Variants in TMEM230 observed in about 807,000 individuals in gnomAD.
The protein encoded by TMEM230 is transmembrane protein 230.
In TMEM230, 10 loss-of-function variants were observed where a neutral mutation model predicts 15.8. That is an observed-to-expected ratio of 0.63 (90% confidence interval 0.39 to 1.07). The LOEUF (loss-of-function observed/expected upper bound fraction) is 1.07. Ranked by LOEUF, TMEM230 falls within the 50% of genes least tolerant of loss-of-function variation. The probability of loss-of-function intolerance (pLI) is 0.01; values close to 1 mark genes in which losing one functional copy is unlikely to be tolerated. For missense variants in TMEM230, 165 were observed against 193.3 expected (o/e 0.85, Z 0.87); for synonymous variants, 67 against 76.9 (o/e 0.87, Z 0.68).
At chr20:5,086,366 C>A (rs1345478836) in intron 3 of TMEM230, among the ~76,000 whole-genome samples, 1 of 151,392 alleles carries the variant, frequency 6.6e-6, no homozygotes, top group Non-Finnish European at 1.5e-5. Context: ...GGTGAAGCCC[C>A]ATCTCTACTA....
chr20:5,107,884 GGTGAA>G (rs1166271355), intron 3 of TMEM230, among the ~76,000 whole-genome samples: 4 of 151,966 alleles, frequency 2.6e-5, no homozygotes, highest in Non-Finnish European at 4.4e-5. Context: ...GGCCGAAGTG[GGTGAA>G]TCACTGGAGG....
intron 1 of TMEM230, among the ~76,000 whole-genome samples, chr20:5,112,432 T>C (rs1488181388): frequency 6.6e-6 from 1 of 152,314 alleles, no homozygotes; most frequent in Non-Finnish European, 1.5e-5. Flanking sequence ...AACTTGCAAT[T>C]AGACTTTTTT....
chr20:5,062,613 A>T, the TMEM230 span, among the ~76,000 whole-genome samples: 1 of 151,866 alleles, frequency 6.6e-6, no homozygotes, highest in African/African-American at 2.4e-5. Context: ...AATACAAAAA[A>T]TTAGCTGTGT....
Position 5,078,517 on chromosome 20 carries a change from C to T in TMEM230, c.223-9168G>A, listed in dbSNP as rs551007151. 3.9e-5 allele frequency among the ~76,000 whole-genome samples: 6 copies of T among 152,228 alleles called. No individual in the cohort carries two copies. The East Asian group carries it at 9.6e-4, about 24-fold the overall frequency. On this transcript the variant is annotated intron_variant, in intron 3 of 3. Transcript: ENST00000612323. Reference sequence around the variant, plus strand: ...TGGGATATGCTGCATGACAGAAACCCCCAAATCTAGTGGCTTAACACAACA... The same window carrying T: ...TGGGATATGCTGCATGACAGAAACCTCCAAATCTAGTGGCTTAACACAACA...
chr20:5,070,925 T>G (rs1479835540), intron 3 of TMEM230, among the ~76,000 whole-genome samples: 1 of 152,192 alleles, frequency 6.6e-6, no homozygotes, highest in African/African-American at 2.4e-5. Flanking sequence ...TTAACTTTTT[T>G]TTTGGTTGCT....
downstream of TMEM230, among the ~76,000 whole-genome samples, chr20:5,097,563 A>G (rs1188111408): frequency 5.3e-5 from 8 of 152,202 alleles, no homozygotes; most frequent in African/African-American, 1.9e-4. Context: ...CCATTTCTTC[A>G]CTGGCCCAGT....
chr20:5,082,616 T>C (rs1408077619), intron 3 of TMEM230, among the ~76,000 whole-genome samples: 1 of 151,884 alleles, frequency 6.6e-6, no homozygotes, highest in African/African-American at 2.4e-5. Flanking sequence ...CTAATTTTTG[T>C]ACCATTAGTA....
intron 3 of TMEM230, among the ~76,000 whole-genome samples, chr20:5,107,600 C>T (rs1176225902): frequency 1.3e-5 from 2 of 152,096 alleles, no homozygotes; most frequent in African/African-American, 2.4e-5. Flanking sequence ...AACTGCCTGG[C>T]ACATAGATGG....
At chr20:5,083,860 CTCTTT>C (rs796409417) in intron 3 of TMEM230, among the ~76,000 whole-genome samples, 20 of 152,284 alleles carry the variant, frequency 1.3e-4, no homozygotes, top group African/African-American at 3.4e-4. Context: ...CTTTTTCTCT[CTCTTT>C]TATTTTAGGT....
intron 3 of TMEM230, among the ~76,000 whole-genome samples, chr20:5,093,644 C>T (rs887188650): frequency 1.3e-5 from 2 of 151,860 alleles, no homozygotes; most frequent in Admixed American, 6.6e-5. Flanking sequence ...TCAAGTGATT[C>T]TCATGCCTCA....
At chr20:5,078,878 C>T (rs1461245799) in intron 3 of TMEM230, among the ~76,000 whole-genome samples, 1 of 152,188 alleles carries the variant, frequency 6.6e-6, no homozygotes, top group Non-Finnish European at 1.5e-5. Flanking sequence ...CAGCCTCAAC[C>T]TCCTGGCCTC....
At chr20:5,110,901 G>A (rs1234623426) in intron 2 of TMEM230, among the ~76,000 whole-genome samples, 1 of 152,140 alleles carries the variant, frequency 6.6e-6, no homozygotes, top group Non-Finnish European at 1.5e-5. Flanking sequence ...GTATTAATAG[G>A]CCGGGCGTGA....
At chr20:5,065,274 C>T (rs2088641418), downstream of TMEM230, among the ~76,000 whole-genome samples, 2 of 152,044 alleles carry the variant, frequency 1.3e-5, no homozygotes, top group Non-Finnish European at 2.9e-5. Context: ...AGATTAACTT[C>T]CCAATGCATT....
rs979665342 is a variant in TMEM230, at chr20:5,081,877, T to C, written c.223-12528A>G. Among the ~76,000 whole-genome samples, 108 of 43,264 alleles carry C rather than the reference T, an allele frequency of 2.5e-3. 1 individual carries two copies. The highest frequency in any genetic ancestry group is 4.8e-3 in the Admixed American group (15 of 3,122). The allele number at this position is 43,264 out of a possible 152,430, so 28.4% of individuals were successfully genotyped here. On this transcript the variant is annotated intron_variant, in intron 3 of 3. Transcript: ENST00000612323. The stretch of plus-strand genomic sequence containing the variant: ...TTCACTGATTTTCTTTTTTTTCTTT[T>C]TTTTTTTTTTTTTTTAGACAGAGTC...
downstream of TMEM230, chr20:5,066,396 G>A (rs6084978): frequency 0.6 from 90,974 of 152,034 alleles, 27,590 homozygotes; most frequent in East Asian, 0.8. Context: ...TTGCCTGGGC[G>A]CGGTGGCTCA....
In TMEM230 at chr20:5,070,361, C is replaced by T. The variant is rs191435162; in HGVS notation, c.223-1012G>A. Among the ~76,000 whole-genome samples, 223 of 152,244 alleles carry T rather than the reference C, an allele frequency of 1.5e-3. 2 individuals carry two copies. The highest frequency in any genetic ancestry group is 5.0e-3 in the East Asian group (26 of 5,192). On this transcript the variant is annotated intron_variant, in intron 3 of 3. Transcript: ENST00000612323. ...TCTAACAACAATCACCTAAGAGATCCCACATGAAAACTGCTGAGCTGAGCC... is the reference window on the plus strand; with the variant it reads ...TCTAACAACAATCACCTAAGAGATCTCACATGAAAACTGCTGAGCTGAGCC...
chr20:5,092,949 TC>T (rs1365523353), intron 3 of TMEM230, among the ~76,000 whole-genome samples: 1 of 151,944 alleles, frequency 6.6e-6, no homozygotes, highest in Non-Finnish European at 1.5e-5. Flanking sequence ...AAGACAAGGA[TC>T]CCCACTCTCA....
intron 3 of TMEM230, among the ~76,000 whole-genome samples, chr20:5,075,256 C>G (rs112408275): frequency 1.3e-5 from 2 of 148,774 alleles, no homozygotes; most frequent in Admixed American, 6.7e-5. Context: ...GTAGAGATGG[C>G]GTTTCTCTAT....
intron 3 of TMEM230, among the ~76,000 whole-genome samples, chr20:5,070,322 A>G (rs2088781796): frequency 6.6e-6 from 1 of 152,206 alleles, no homozygotes; most frequent in African/African-American, 2.4e-5. Context: ...CGCTAACTGT[A>G]GCACTAACCA....
Sources: gnomAD v4.1 joint callset for allele counts (sites outside exome capture counted in the v4.1 genomes callset) on GRCh38, gnomAD v4.1.1 for gene constraint, MANE v1.5 for transcripts, NCBI Gene and HGNC (gene_info 2026-07-23, HGNC 2026-07-21) for gene names.